Variants in RAD54L observed in about 807,000 individuals in gnomAD.
RAD54L encodes RAD54 like.
A neutral mutation model predicts 91.6 loss-of-function variants in RAD54L; 74 were observed. The observed-to-expected ratio is 0.81, with a 90% confidence interval of 0.67 to 0.98. The LOEUF is 0.98. Among genes scored for constraint, RAD54L ranks in the 50% least tolerant of loss-of-function variants. The pLI is 0.00. For missense variants in RAD54L, 887 were observed against 945.7 expected, an observed-to-expected ratio of 0.94 and a Z score of 0.81; for synonymous variants, 304 against 349.7, an observed-to-expected ratio of 0.87 and a Z score of 1.46.
Position 46,270,680 on chromosome 1 carries a change from A to C in RAD54L, c.1064A>C (p.Lys355Thr). 6.2e-7 allele frequency: 1 copy of C among 1,614,190 alleles called. No individual in the cohort carries two copies. Among genetic ancestry groups the C allele is most frequent in the Non-Finnish European group, 8.5e-7 (1 of 1,180,016 alleles). Residue 355 changes from lysine (K) to threonine (T), a missense_variant, in exon 10 of 18, where the codon AAG becomes ACG. Physicochemically the swap from Lys to Thr is moderately conservative, Grantham distance 78 (BLOSUM62 -1). Transcript: ENST00000371975. The part of the protein sequence containing the change: ...GILGTAHEFK[K>T]HFELPILKGR... ...TTAGGGACTGCCCATGAATTCAAGA[A>C]GCATTTTGAATTGCCAATTTTGAAG... is the stretch of plus-strand genomic sequence containing the variant.
Position 46,274,545 on chromosome 1 carries a change from A to C in RAD54L, c.1697A>C (p.Asp566Ala). Residue 566 changes from aspartate (D) to alanine (A), a missense_variant, in exon 16 of 18, where the codon GAC becomes GCC. By Grantham distance (126) the Asp-to-Ala change is moderately radical (BLOSUM62 -2). Coordinates refer to ENST00000371975, the MANE Select transcript of RAD54L (RefSeq NM_003579.4). ...VERFNSPSSP[D>A]FVFMLSSKAG... Reference sequence around the variant, plus strand: ...TGTTTCTTCTCTTTCCAGAGCCCTGACTTTGTCTTCATGCTGAGCAGCAAA... The same window carrying C: ...TGTTTCTTCTCTTTCCAGAGCCCTGCCTTTGTCTTCATGCTGAGCAGCAAA... The C allele has an allele frequency of 6.2e-7, 1 of 1,612,738 alleles. No individual in the cohort carries two copies. Among genetic ancestry groups the C allele is most frequent in the Non-Finnish European group, 8.5e-7 (1 of 1,179,992 alleles).
chr1:46,255,460 C>T (rs1048999971), intron 3 of RAD54L, among the ~76,000 whole-genome samples: 1 of 149,732 alleles, frequency 6.7e-6, no homozygotes, highest in Non-Finnish European at 1.5e-5. Context: ...ACTGGTGAGT[C>T]ACCAAACCAG....
At chr1:46,267,902 G>A (rs562664508) in intron 9 of RAD54L, among the ~76,000 whole-genome samples, 2 of 152,270 alleles carry the variant, frequency 1.3e-5, no homozygotes, top group Admixed American at 1.3e-4. Flanking sequence ...TTGTTCCTCA[G>A]ATCCTAGCTC....
In RAD54L at chr1:46,278,442, G is replaced by A; in HGVS notation, c.*160G>A. 1.1e-6 allele frequency: 1 copy of A among 906,584 alleles called. No individual in the cohort carries two copies. The highest frequency in any genetic ancestry group is 1.7e-6 in the Non-Finnish European group (1 of 587,916). The allele number at this position is 906,584 out of a possible 1,614,324, so 56.2% of individuals were successfully genotyped here. A position where few individuals can be genotyped will look rare whatever the true frequency, so the allele number is the denominator to read the frequency against. On this transcript the variant is annotated 3_prime_UTR_variant, in exon 18 of 18. Transcript: ENST00000371975. Reference sequence around the variant, plus strand: ...TTATTTTATAAGAAAAACTTTTTTGGTTAAAAAAAAGAATAAAGGTATGAA... The same window carrying A: ...TTATTTTATAAGAAAAACTTTTTTGATTAAAAAAAAGAATAAAGGTATGAA...
intron 3 of RAD54L, among the ~76,000 whole-genome samples, chr1:46,250,968 CAAAAAAA>C (rs538894200): frequency 2.9e-4 from 31 of 107,920 alleles, no homozygotes; most frequent in African/African-American, 9.8e-4. Context: ...GACTCGGTCT[CAAAAAAA>C]AAAAACAAAA....
In RAD54L at chr1:46,278,119, CT is replaced by C; in HGVS notation, c.2082del (p.Asp695MetfsTer61). ...CVNSRQIRPPPDGSDCTSDLA... is the reference protein window; with the variant it reads ...CVNSRQIRPPXDGSDCTSDLA... ...AACAGCCGTCAGATCCGGCCACCCC[CT>C]GATGGTTCTGACTGCACTTCAGACC... On this transcript the variant is annotated frameshift_variant, in exon 18 of 18. Coordinates refer to ENST00000371975, the MANE Select transcript of RAD54L (RefSeq NM_003579.4). LOFTEE classifies it high-confidence loss of function. 1 of 1,613,864 alleles carries C rather than the reference CT, an allele frequency of 6.2e-7. No individual in the cohort carries two copies. The highest frequency in any genetic ancestry group is 8.5e-7 in the Non-Finnish European group (1 of 1,179,920).
chr1:46,267,313 C>G (rs1660292581), intron 8 of RAD54L, 146 bp from the exon 9 acceptor site: 1 of 991,770 alleles, frequency 1.0e-6, no homozygotes, highest in South Asian at 1.3e-5. Context: ...ATCCACCTGT[C>G]TCGGCCTCCC....
chr1:46,250,142 A>T (rs1355095911), intron 3 of RAD54L, 23 bp downstream of exon 3: 1 of 1,613,948 alleles, frequency 6.2e-7, no homozygotes, highest in Admixed American at 1.7e-5. Context: ...TGCAACCTGC[A>T]TGTGTATGTC....
chr1:46,268,095 C>G (rs1462875248), intron 9 of RAD54L, among the ~76,000 whole-genome samples: 1 of 152,044 alleles, frequency 6.6e-6, no homozygotes, highest in African/African-American at 2.4e-5. Context: ...AAAATCTACC[C>G]AATAACTCCT....
chr1:46,264,342 G>A (rs1169214616), intron 8 of RAD54L, among the ~76,000 whole-genome samples: 1 of 152,244 alleles, frequency 6.6e-6, no homozygotes, highest in Admixed American at 6.5e-5. Context: ...GAAAGGGAAG[G>A]TGCCATTTCA....
At chr1:46,262,431 AAC>A (rs1234508144) in intron 8 of RAD54L, among the ~76,000 whole-genome samples, 1 of 151,968 alleles carries the variant, frequency 6.6e-6, no homozygotes, top group Non-Finnish European at 1.5e-5. Context: ...AAAACCAAAA[AAC>A]ACACATATAC....
intron 15 of RAD54L, 64 bp downstream of exon 15, chr1:46,274,280 G>C: frequency 6.6e-7 from 1 of 1,510,780 alleles, no homozygotes; most frequent in Non-Finnish European, 9.2e-7. Flanking sequence ...GAATGATAGA[G>C]AAGCTATAAG....
intron 3 of RAD54L, among the ~76,000 whole-genome samples, chr1:46,251,519 A>C (rs76471445): frequency 6.6e-6 from 1 of 152,176 alleles, no homozygotes; most frequent in African/African-American, 2.4e-5. Context: ...TTTAGCATAC[A>C]TATAAAAATC....
intron 8 of RAD54L, among the ~76,000 whole-genome samples, chr1:46,262,401 T>G (rs892554641): frequency 1.3e-5 from 2 of 152,024 alleles, no homozygotes; most frequent in African/African-American, 4.8e-5. Flanking sequence ...AGCAAGACTC[T>G]GTCTCAAAAA....
Position 46,261,388 on chromosome 1 carries a change from A to G in RAD54L, c.891+3A>G, listed in dbSNP as rs755929248. 1 of 1,614,032 alleles carries G rather than the reference A, an allele frequency of 6.2e-7. No homozygotes were observed. Among genetic ancestry groups the G allele is most frequent in the South Asian group, 1.1e-5 (1 of 91,066 alleles). ...TTGGTCTGGTCATATGTGACGAGGT[A>G]CTTGACTCTCAGCAGTCTGGGTGGT... On this transcript the variant is annotated splice_donor_region_variant and intron_variant, in intron 8 of 17. Transcript: ENST00000371975.
chr1:46,263,943 G>A lies in RAD54L; in HGVS notation c.891+2558G>A, dbSNP rs542812283. Among the ~76,000 whole-genome samples the A allele has an allele frequency of 3.9e-5, 6 of 152,134 alleles. No individual in the cohort carries two copies. Among genetic ancestry groups the A allele is most frequent in the Admixed American group, 2.0e-4 (3 of 15,276 alleles). ...CACCCGAGTAGCTGATATTACAGGC[G>A]TGCACCACCACTCTGGCTAATTTTT... is the stretch of plus-strand genomic sequence containing the variant. On this transcript the variant is annotated intron_variant, in intron 8 of 17. Transcript: ENST00000371975. The surrounding 1 kb of genome is among the most constrained non-coding windows in gnomAD (Gnocchi z 4.3).
intron 2 of RAD54L, among the ~76,000 whole-genome samples, chr1:46,249,258 C>A (rs1659735971): frequency 6.6e-6 from 1 of 152,122 alleles, no homozygotes; most frequent in Non-Finnish European, 1.5e-5. Context: ...TTGGCAGGAG[C>A]AGTGTGTGAA....
chr1:46,272,009 G>A (rs547506192), intron 10 of RAD54L, among the ~76,000 whole-genome samples: 41 of 123,122 alleles, frequency 3.3e-4, no homozygotes, highest in African/African-American at 1.3e-3. Flanking sequence ...AGATGTGTTT[G>A]ACATAGGTCT....
chr1:46,251,357 AATATAG>A (rs1270479002), intron 3 of RAD54L, among the ~76,000 whole-genome samples: 1 of 152,202 alleles, frequency 6.6e-6, no homozygotes, highest in East Asian at 1.9e-4. Context: ...ATACTTGATA[AATATAG>A]ATATATTACA....
Sources: gnomAD v4.1 joint callset for allele counts (sites outside exome capture counted in the v4.1 genomes callset) on GRCh38, gnomAD v4.1.1 for gene constraint, Gnocchi (gnomAD v3.1) non-coding constraint, MANE v1.5 for transcripts, NCBI Gene and HGNC (gene_info 2026-07-23, HGNC 2026-07-21) for gene names.